SMYD3: variants seen among roughly 807,000 people sequenced by gnomAD.
SMYD3 encodes the protein histone-lysine N-methyltransferase SMYD3.
In SMYD3, 36 loss-of-function variants were observed where a neutral mutation model predicts 57.7. The ratio of observed to expected loss-of-function variants is 0.62; its 90% CI spans 0.48 to 0.82. The LOEUF (loss-of-function observed/expected upper bound fraction) is 0.82. Among genes scored for constraint, SMYD3 ranks in the 40% least tolerant of loss-of-function variants. The pLI, the probability that SMYD3 is intolerant of heterozygous loss-of-function variation, is 0.00. For synonymous variants in SMYD3, 211 were observed against 195.0 expected (o/e 1.08, Z -0.68); for missense variants, 515 against 538.8 (o/e 0.96, Z 0.44).
At chr1:246,324,202 G>C (rs1224655507) in intron 5 of SMYD3, among the ~76,000 whole-genome samples, 1 of 152,070 alleles carries the variant, frequency 6.6e-6, no homozygotes, top group Non-Finnish European at 1.5e-5. Context: ...ATCATCCGAG[G>C]TCAGGAGATT....
At chr1:246,084,160 T>G (rs560802590) in intron 5 of SMYD3, among the ~76,000 whole-genome samples, 1 of 152,154 alleles carries the variant, frequency 6.6e-6, no homozygotes, top group Non-Finnish European at 1.5e-5. Context: ...ACAACAGTTT[T>G]ATTGCCCTGT....
chr1:246,083,803 C>G (rs2060682542), intron 5 of SMYD3, among the ~76,000 whole-genome samples: 1 of 152,098 alleles, frequency 6.6e-6, no homozygotes, highest in Non-Finnish European at 1.5e-5. Flanking sequence ...GGATTCTGGT[C>G]CAAACAAACA....
chr1:245,980,880 T>C (rs2058579097), intron 5 of SMYD3, among the ~76,000 whole-genome samples: 1 of 152,230 alleles, frequency 6.6e-6, no homozygotes, highest in Admixed American at 6.5e-5. Flanking sequence ...CCACTGTTTT[T>C]GTAAATCAAG....
chr1:246,224,727 G>A (rs888962450), intron 5 of SMYD3, among the ~76,000 whole-genome samples: 11 of 152,018 alleles, frequency 7.2e-5, no homozygotes, highest in African/African-American at 2.7e-4. Context: ...GAAAGCAGGG[G>A]AAACAGACTT....
chr1:246,159,252 T>G lies in SMYD3; in HGVS notation c.531+167949A>C, dbSNP rs113597276. Among the ~76,000 whole-genome samples the G allele has an allele frequency of 1.6e-3, 245 of 152,312 alleles. 2 individuals are homozygous for G. The highest frequency in any genetic ancestry group is 5.5e-3 in the African/African-American group (227 of 41,570). ...AGAAAGGGTCCCTTTTCTCACTGGA[T>G]TCCCACAATGCCATTAGGGAGCCAA... On this transcript the variant is annotated intron_variant, in intron 5 of 11. Transcript: ENST00000490107.
intron 5 of SMYD3, among the ~76,000 whole-genome samples, chr1:246,125,067 G>A (rs1447272189): frequency 6.8e-5 from 4 of 58,716 alleles, no homozygotes; most frequent in East Asian, 6.0e-4. Flanking sequence ...GCGAGACTCC[G>A]TCTCAAAAAA....
chr1:245,797,550 A>G (rs1319178540), intron 10 of SMYD3, among the ~76,000 whole-genome samples: 3 of 150,722 alleles, frequency 2.0e-5, no homozygotes, highest in African/African-American at 4.9e-5. Flanking sequence ...GGGGTAGGAT[A>G]GCATTAGGAG....
intron 11 of SMYD3, 64 bp from the exon 12 acceptor site, chr1:245,749,728 CT>C: frequency 7.6e-7 from 1 of 1,309,842 alleles, no homozygotes; most frequent in Non-Finnish European, 1.1e-6. Flanking sequence ...CATTCCCCAC[CT>C]TTACCCCATG....
intron 5 of SMYD3, among the ~76,000 whole-genome samples, chr1:246,050,735 A>G (rs1351246985): frequency 2.0e-5 from 3 of 152,166 alleles, no homozygotes; most frequent in African/African-American, 7.2e-5. Flanking sequence ...TTGATTATGC[A>G]GGTGCACACA....
At chr1:245,854,802 G>A (rs2051151366) in intron 10 of SMYD3, among the ~76,000 whole-genome samples, 1 of 152,160 alleles carries the variant, frequency 6.6e-6, no homozygotes, top group African/African-American at 2.4e-5. Flanking sequence ...CAGTTCTGAA[G>A]GGAAGAGAGT....
At chr1:245,765,981 CTTAA>C (rs2046075199) in intron 10 of SMYD3, among the ~76,000 whole-genome samples, 1 of 152,188 alleles carries the variant, frequency 6.6e-6, no homozygotes, top group Admixed American at 6.5e-5. Flanking sequence ...CTCGCTGAAT[CTTAA>C]CTCTTCCTCC....
intron 10 of SMYD3, among the ~76,000 whole-genome samples, chr1:245,770,545 A>G (rs552280503): frequency 6.6e-6 from 1 of 152,376 alleles, no homozygotes; most frequent in South Asian, 2.1e-4. Context: ...ACATGTCTGA[A>G]GGAGATAACA....
intron 5 of SMYD3, among the ~76,000 whole-genome samples, chr1:246,100,030 A>G (rs1023117835): frequency 2.0e-5 from 3 of 152,162 alleles, no homozygotes; most frequent in African/African-American, 7.2e-5. Flanking sequence ...CACTCTTCTT[A>G]ATTGTTTTAC....
chr1:246,044,389 C>T (rs753245349), intron 5 of SMYD3, among the ~76,000 whole-genome samples: 2 of 152,156 alleles, frequency 1.3e-5, no homozygotes, highest in African/African-American at 4.8e-5. Context: ...ATGGAGATAT[C>T]GCATGATGTC....
intron 5 of SMYD3, among the ~76,000 whole-genome samples, chr1:246,061,026 G>A (rs2060243840): frequency 6.6e-6 from 1 of 151,874 alleles, no homozygotes; most frequent in Non-Finnish European, 1.5e-5. Context: ...AGGGGTTTGA[G>A]ACCAGCCTGG....
intron 8 of SMYD3, among the ~76,000 whole-genome samples, chr1:245,891,739 T>C (rs1317327841): frequency 1.1e-4 from 1 of 9,094 alleles, no homozygotes; most frequent in Non-Finnish European, 2.1e-4. Flanking sequence ...CCAGGAAGAA[T>C]ACAAGAATGA....
At chr1:246,209,783 C>T (rs1018167126) in intron 5 of SMYD3, among the ~76,000 whole-genome samples, 2 of 152,140 alleles carry the variant, frequency 1.3e-5, no homozygotes, top group African/African-American at 4.8e-5. Flanking sequence ...CCCCTCCCCA[C>T]TAAGGAATAA....
chr1:245,841,242 G>C (rs904364899), intron 10 of SMYD3, among the ~76,000 whole-genome samples: 3 of 152,164 alleles, frequency 2.0e-5, no homozygotes, highest in South Asian at 2.1e-4. Flanking sequence ...TGTTTTCAAA[G>C]TTTTGATAGG....
chr1:246,471,471 A>G (rs2067961507), intron 1 of SMYD3, among the ~76,000 whole-genome samples: 1 of 152,244 alleles, frequency 6.6e-6, no homozygotes, highest in Non-Finnish European at 1.5e-5. Flanking sequence ...TGCTGGGATT[A>G]CAGGTGTGAG....
Sources: gnomAD v4.1 joint callset for allele counts (sites outside exome capture counted in the v4.1 genomes callset) on GRCh38, gnomAD v4.1.1 for gene constraint, MANE v1.5 for transcripts, NCBI Gene and HGNC (gene_info 2026-07-23, HGNC 2026-07-21) for gene names.